FBXL7: variants seen among roughly 807,000 people sequenced by gnomAD.
FBXL7 encodes F-box and leucine rich repeat protein 7.
FBXL7 carries 12 observed loss-of-function variants against 38.3 expected under a neutral mutation model. That is an observed-to-expected ratio of 0.31 (90% CI 0.20 to 0.51). FBXL7 has a LOEUF of 0.51. FBXL7 is among the 20% of genes least tolerant of loss of function. The pLI, the probability that FBXL7 is intolerant of heterozygous loss-of-function variation, is 0.98. For missense variants in FBXL7, 567 were observed against 676.4 expected (o/e 0.84, Z 1.79); for synonymous variants, 297 against 300.9 (o/e 0.99, Z 0.13).
At chr5:15,586,193 G>A (rs150203683) in intron 1 of FBXL7, among the ~76,000 whole-genome samples, 35 of 152,088 alleles carry the variant, frequency 2.3e-4, no homozygotes, top group East Asian at 1.2e-3. Flanking sequence ...GGGAGCCAGC[G>A]TTAGCACTTC....
chr5:15,533,929 T>C (rs1355335549), intron 1 of FBXL7, among the ~76,000 whole-genome samples: 1 of 152,182 alleles, frequency 6.6e-6, no homozygotes, highest in Non-Finnish European at 1.5e-5. Context: ...CTAGTTAAAG[T>C]GGGAACAGCA....
chr5:15,849,340 A>T (rs1385140213), intron 2 of FBXL7, among the ~76,000 whole-genome samples: 1 of 152,220 alleles, frequency 6.6e-6, no homozygotes, highest in East Asian at 1.9e-4. Flanking sequence ...GAATAGAATT[A>T]GCGAATTAGA....
At chr5:15,614,051 T>C (rs947467001) in intron 1 of FBXL7, among the ~76,000 whole-genome samples, 2 of 152,140 alleles carry the variant, frequency 1.3e-5, no homozygotes, top group Admixed American at 6.5e-5. Flanking sequence ...CACCTCCTTA[T>C]ACCATCACCT....
At chr5:15,633,021 A>G (rs114674618) in intron 2 of FBXL7, among the ~76,000 whole-genome samples, 11 of 152,326 alleles carry the variant, frequency 7.2e-5, no homozygotes, top group Non-Finnish European at 1.5e-4. Context: ...TGTAAAAAGA[A>G]AAAGTTAAAG....
At chr5:15,828,258 G>C (rs950981449) in intron 2 of FBXL7, among the ~76,000 whole-genome samples, 13 of 152,174 alleles carry the variant, frequency 8.5e-5, no homozygotes, top group Non-Finnish European at 1.9e-4. Flanking sequence ...GTATAAGATT[G>C]AGTTAGAATT....
At chr5:15,662,976 A>C (rs1173321833) in intron 2 of FBXL7, among the ~76,000 whole-genome samples, 1 of 152,062 alleles carries the variant, frequency 6.6e-6, no homozygotes, top group Admixed American at 6.6e-5. Flanking sequence ...TGCCTTGGCT[A>C]TTTGGGCTCT....
intron 2 of FBXL7, among the ~76,000 whole-genome samples, chr5:15,827,944 G>C (rs1189167398): frequency 6.6e-6 from 1 of 152,208 alleles, no homozygotes; most frequent in Non-Finnish European, 1.5e-5. Flanking sequence ...AAATTGTTAA[G>C]GACCTTGATC....
chr5:15,935,546 G>A (rs1251393398), intron 3 of FBXL7, among the ~76,000 whole-genome samples: 1 of 149,682 alleles, frequency 6.7e-6, no homozygotes, highest in Non-Finnish European at 1.5e-5. Context: ...TTTGCACAGG[G>A]GCAAGCTTCG....
At chr5:15,688,624 A>G (rs1207193755) in intron 2 of FBXL7, among the ~76,000 whole-genome samples, 4 of 152,092 alleles carry the variant, frequency 2.6e-5, no homozygotes, top group Non-Finnish European at 5.9e-5. Context: ...TACCTAGTCT[A>G]TATCCGAGGG....
intron 2 of FBXL7, among the ~76,000 whole-genome samples, chr5:15,655,720 G>A (rs1741858271): frequency 6.6e-6 from 1 of 152,134 alleles, no homozygotes; most frequent in Non-Finnish European, 1.5e-5. Context: ...GAGAGCAGCA[G>A]AAACACTTAG....
At chr5:15,785,471 G>C (rs928310213) in intron 2 of FBXL7, among the ~76,000 whole-genome samples, 1 of 152,148 alleles carries the variant, frequency 6.6e-6, no homozygotes, top group African/African-American at 2.4e-5. Context: ...ACTCAGACAA[G>C]ATACTTTGAA....
At chr5:15,546,435 C>T (rs189669899) in intron 1 of FBXL7, among the ~76,000 whole-genome samples, 57 of 152,292 alleles carry the variant, frequency 3.7e-4, no homozygotes, top group African/African-American at 1.3e-3. Context: ...GGCATGGTGG[C>T]GGGCGCCTGT....
intron 2 of FBXL7, among the ~76,000 whole-genome samples, chr5:15,753,996 A>C (rs1439566479): frequency 6.6e-6 from 1 of 152,230 alleles, no homozygotes. Context: ...CTCATCTACA[A>C]AAAGTGTTGG....
At chr5:15,754,809 T>C (rs991907565) in intron 2 of FBXL7, among the ~76,000 whole-genome samples, 2 of 152,230 alleles carry the variant, frequency 1.3e-5, no homozygotes, top group Non-Finnish European at 2.9e-5. Flanking sequence ...GCTCTTCTAG[T>C]GATTCTGGAA....
Position 15,928,629 on chromosome 5 carries a change from G to A in FBXL7, c.739+128G>A, listed in dbSNP as rs1335134708. 3.3e-6 allele frequency: 4 copies of A among 1,219,490 alleles called. No individual in the cohort carries two copies. The highest frequency in any genetic ancestry group is 3.4e-6 in the Non-Finnish European group (3 of 883,548). The allele number at this position is 1,219,490 out of a possible 1,614,324, so 75.5% of individuals were successfully genotyped here. A position where few individuals can be genotyped will look rare whatever the true frequency, so the allele number is the denominator to read the frequency against. On this transcript the variant is annotated intron_variant, in intron 3 of 3. Transcript: ENST00000504595. The surrounding 1 kb of genome is among the most constrained non-coding windows in gnomAD (Gnocchi z 4.0). The stretch of plus-strand genomic sequence containing the variant: ...AGAGATGGGGGCGGGTGGTAGGGAG[G>A]CTGGCTTTTGCAGAGAAACTGTCTC...
chr5:15,522,150 G>T (rs1476844658), intron 1 of FBXL7, among the ~76,000 whole-genome samples: 2 of 152,088 alleles, frequency 1.3e-5, no homozygotes, highest in Non-Finnish European at 2.9e-5. Flanking sequence ...AGTTTGATTG[G>T]CTCCTTCATT....
At chr5:15,815,093 T>G (rs941386970) in intron 2 of FBXL7, among the ~76,000 whole-genome samples, 2 of 152,222 alleles carry the variant, frequency 1.3e-5, no homozygotes, top group Non-Finnish European at 2.9e-5. Context: ...TGACTTTACA[T>G]TTTTGTGTTC....
At chr5:15,675,192 G>T (rs142166470) in intron 2 of FBXL7, among the ~76,000 whole-genome samples, 4 of 152,224 alleles carry the variant, frequency 2.6e-5, no homozygotes, top group South Asian at 2.1e-4. Flanking sequence ...ATGTTTTATC[G>T]TACTCATATA....
At chr5:15,842,462 GA>G (rs1174771595) in intron 2 of FBXL7, among the ~76,000 whole-genome samples, 1 of 152,292 alleles carries the variant, frequency 6.6e-6, no homozygotes, top group East Asian at 1.9e-4. Context: ...TGTCTCAGAT[GA>G]GACTTTTGAG....
Sources: gnomAD v4.1 joint callset for allele counts (sites outside exome capture counted in the v4.1 genomes callset) on GRCh38, gnomAD v4.1.1 for gene constraint, Gnocchi (gnomAD v3.1) non-coding constraint, MANE v1.5 for transcripts, NCBI Gene and HGNC (gene_info 2026-07-23, HGNC 2026-07-21) for gene names.